Variants in CAMK1D observed in about 807,000 individuals in gnomAD.
CAMK1D encodes calcium/calmodulin-dependent protein kinase type 1D.
CAMK1D carries 9 observed loss-of-function variants against 47.7 expected under a neutral mutation model. The observed-to-expected ratio is 0.19, with a 90% CI of 0.11 to 0.33. The LOEUF is 0.33. CAMK1D is among the 10% of genes least tolerant of loss of function. The probability of loss-of-function intolerance (pLI) is 1.00; values close to 1 mark genes in which losing one functional copy is unlikely to be tolerated. For missense variants in CAMK1D, 291 were observed against 488.7 expected (o/e 0.60, Z 3.81); for synonymous variants, 184 against 184.9 (o/e 0.99, Z 0.04).
At chr10:12,612,823 A>G (rs921742859) in intron 2 of CAMK1D, among the ~76,000 whole-genome samples, 3 of 152,160 alleles carry the variant, frequency 2.0e-5, no homozygotes, top group South Asian at 4.1e-4. Context: ...TAAAATTGTA[A>G]TACCTTTTGT....
chr10:12,790,599 T>TCA (rs930380463), intron 5 of CAMK1D, among the ~76,000 whole-genome samples: 38 of 128,910 alleles, frequency 2.9e-4, no homozygotes, highest in East Asian at 1.4e-3. Flanking sequence ...ATCTCACATC[T>TCA]CACACACACA....
At chr10:12,455,238 C>T (rs1453511899) in intron 1 of CAMK1D, among the ~76,000 whole-genome samples, 3 of 152,160 alleles carry the variant, frequency 2.0e-5, no homozygotes, top group Admixed American at 1.3e-4. Context: ...GTGACATGAC[C>T]AGGGCTCACT....
chr10:12,758,368 AT>A (rs11288297), intron 3 of CAMK1D, among the ~76,000 whole-genome samples: 88,820 of 151,970 alleles, frequency 0.58, 26,218 homozygotes, highest in Admixed American at 0.64. Context: ...AGTCATAAAA[AT>A]ATATGACAAT....
At chr10:12,783,309 G>A (rs2130972389) in intron 5 of CAMK1D, among the ~76,000 whole-genome samples, 1 of 152,206 alleles carries the variant, frequency 6.6e-6, no homozygotes, top group East Asian at 1.9e-4. Flanking sequence ...TGGACTGTTG[G>A]CTTTTATCTT....
chr10:12,709,323 ATT>A, intron 3 of CAMK1D, among the ~76,000 whole-genome samples: 1 of 146,624 alleles, frequency 6.8e-6, no homozygotes, highest in African/African-American at 2.5e-5. Context: ...TGGTTGGAGG[ATT>A]TTTTTTTTTT....
At position 12,833,355 on chromosome 10, in the gene CAMK1D, TC is replaced by T. The variant is rs1202575018; in HGVS notation, c.*4470del. The T allele has an allele frequency of 6.6e-6, 1 of 152,268 alleles. No homozygotes were observed. The highest frequency in any genetic ancestry group is 1.5e-5 in the Non-Finnish European group (1 of 68,086). The allele number at this position is 152,268 out of a possible 1,614,324, so 9.4% of individuals were successfully genotyped here. A position where few individuals can be genotyped will look rare whatever the true frequency, so the allele number is the denominator to read the frequency against. ...TGATCCCCTTTGGAAAGTGGATTGA[TC>T]CTCTCCCCTGTGGAATGACAGCTTA... On this transcript the variant is annotated 3_prime_UTR_variant, in exon 11 of 11. Coordinates refer to ENST00000619168, the MANE Select transcript of CAMK1D (RefSeq NM_153498.4).
At chr10:12,378,453 C>G (rs1372591440) in intron 1 of CAMK1D, among the ~76,000 whole-genome samples, 1 of 150,330 alleles carries the variant, frequency 6.7e-6, no homozygotes, top group Non-Finnish European at 1.5e-5. Flanking sequence ...GGGTCTCGCT[C>G]TATTGCCCAG....
chr10:12,585,698 A>G (rs955102500), intron 2 of CAMK1D, among the ~76,000 whole-genome samples: 19 of 152,242 alleles, frequency 1.2e-4, no homozygotes, highest in South Asian at 1.0e-3. Flanking sequence ...AGTATGGGGG[A>G]AACCACCCCA....
chr10:12,374,288 GA>G (rs1838105675), intron 1 of CAMK1D, among the ~76,000 whole-genome samples: 1 of 143,662 alleles, frequency 7.0e-6, no homozygotes, highest in African/African-American at 2.5e-5. Flanking sequence ...AAAGAAAAAA[GA>G]AAAAAAGAGC....
intron 8 of CAMK1D, among the ~76,000 whole-genome samples, chr10:12,817,799 T>A (rs1477402523): frequency 1.3e-5 from 2 of 152,162 alleles, no homozygotes. Context: ...CAAGGGATTC[T>A]CCTGCCTCAG....
chr10:12,421,127 T>G (rs534802367), intron 1 of CAMK1D, among the ~76,000 whole-genome samples: 10 of 152,242 alleles, frequency 6.6e-5, no homozygotes, highest in Admixed American at 5.9e-4. Context: ...CCAGAATCCA[T>G]CAAGAAATCT....
At chr10:12,543,969 T>C (rs2132251457) in intron 1 of CAMK1D, among the ~76,000 whole-genome samples, 1 of 152,378 alleles carries the variant, frequency 6.6e-6, no homozygotes, top group Admixed American at 6.5e-5. Flanking sequence ...TCATTTAGAA[T>C]TCTTTCATCA....
intron 1 of CAMK1D, among the ~76,000 whole-genome samples, chr10:12,367,361 A>C (rs183267973): frequency 5.0e-4 from 76 of 152,168 alleles, no homozygotes; most frequent in African/African-American, 1.8e-3. Flanking sequence ...ACCAGGGATC[A>C]GTTTCGTGGA....
intron 1 of CAMK1D, among the ~76,000 whole-genome samples, chr10:12,371,253 T>TA (rs1411854504): frequency 6.6e-6 from 1 of 152,116 alleles, no homozygotes; most frequent in Admixed American, 6.6e-5. Flanking sequence ...CATTCATGAC[T>TA]AGTGCCCTAT....
chr10:12,368,212 A>AT (rs1554760143), intron 1 of CAMK1D, among the ~76,000 whole-genome samples: 289 of 147,962 alleles, frequency 2.0e-3, no homozygotes, highest in African/African-American at 6.7e-3. Flanking sequence ...AAAAAAAAAA[A>AT]AATAAAATAA....
chr10:12,690,451 T>C (rs1832834337), intron 3 of CAMK1D, among the ~76,000 whole-genome samples: 1 of 152,176 alleles, frequency 6.6e-6, no homozygotes, highest in African/African-American at 2.4e-5. Context: ...ACCTGTCTTA[T>C]GTACGTATTT....
At position 12,829,529 on chromosome 10, in the gene CAMK1D, C is replaced by G. The variant is rs1253174249; in HGVS notation, c.*642C>G. 1 of 152,194 alleles carries G rather than the reference C, an allele frequency of 6.6e-6. No homozygotes were observed. Among genetic ancestry groups the G allele is most frequent in the African/African-American group, 2.4e-5 (1 of 41,420 alleles). 9.4% of individuals were successfully genotyped at this position (152,194 alleles called of 1,614,324 possible). A position where few individuals can be genotyped will look rare whatever the true frequency, so the allele number is the denominator to read the frequency against. On this transcript the variant is annotated 3_prime_UTR_variant, in exon 11 of 11. Transcript: ENST00000619168. ...CGGGCGGATCACAAGGTCAGGAGAT[C>G]AAGGCCATCCTGGCCAACATGGTGA...
chr10:12,685,601 A>T (rs1366889827), intron 3 of CAMK1D, among the ~76,000 whole-genome samples: 8 of 152,196 alleles, frequency 5.3e-5, no homozygotes, highest in Non-Finnish European at 1.2e-4. Flanking sequence ...GCTGTTCATC[A>T]TCTGTTTCCA....
rs545647613 is a variant in CAMK1D at position 12,671,503 on chromosome 10, G to T, written c.299+4693G>T. On this transcript the variant is annotated intron_variant, in intron 3 of 10. Transcript: ENST00000619168. ...TTTTGACGATAGCCATCCTGTGGGT[G>T]TGAAGTGGCATCTCAAGATTTCGGT... Among the ~76,000 whole-genome samples the T allele has an allele frequency of 6.6e-5, 10 of 152,184 alleles. No individual in the cohort carries two copies. The East Asian group carries it at 1.9e-3, about 29-fold the overall frequency.
Sources: gnomAD v4.1 joint callset for allele counts (sites outside exome capture counted in the v4.1 genomes callset) on GRCh38, gnomAD v4.1.1 for gene constraint, MANE v1.5 for transcripts, NCBI Gene and HGNC (gene_info 2026-07-23, HGNC 2026-07-21) for gene names.